Variants in KCNJ15 observed in about 807,000 individuals in gnomAD.
KCNJ15 encodes the protein ATP-sensitive inward rectifier potassium channel 15.
A neutral mutation model predicts 23.0 loss-of-function variants in KCNJ15; 14 were observed. That is an observed-to-expected ratio of 0.61 (90% CI 0.40 to 0.95). KCNJ15 has a LOEUF of 0.95. KCNJ15 is among the 40% of genes least tolerant of loss of function. KCNJ15 has a pLI of 0.00. For missense variants in KCNJ15, 388 were observed against 461.8 expected, an observed-to-expected ratio of 0.84 and a Z score of 1.46; for synonymous variants, 185 against 183.2, an observed-to-expected ratio of 1.01 and a Z score of -0.08.
In KCNJ15 at chr21:38,306,249, T is replaced by C. The variant is rs1766356506; in HGVS notation, c.*5860T>C. The C allele has an allele frequency of 6.6e-6, 1 of 152,198 alleles. No individual in the cohort carries two copies. The highest frequency in any genetic ancestry group is 1.5e-5 in the Non-Finnish European group (1 of 68,030). 9.4% of individuals were successfully genotyped at this position (152,198 alleles called of 1,614,324 possible). ...CCAAATCTTATCTGGTGTCCATGCC[T>C]TCCCACCTACTTAAAATTTCAAATT... is the stretch of plus-strand genomic sequence containing the variant. On this transcript the variant is annotated 3_prime_UTR_variant, in exon 3 of 3. Coordinates refer to ENST00000398938, the MANE Select transcript of KCNJ15 (RefSeq NM_170736.3).
chr21:38,282,407 G>A (rs920053306), intron 1 of KCNJ15, among the ~76,000 whole-genome samples: 1 of 152,102 alleles, frequency 6.6e-6, no homozygotes, highest in Non-Finnish European at 1.5e-5. Context: ...ATATACTTAT[G>A]TTTGCCCATA....
intron 1 of KCNJ15, among the ~76,000 whole-genome samples, chr21:38,239,127 C>T (rs567126569): frequency 7.2e-5 from 11 of 152,270 alleles, no homozygotes; most frequent in African/African-American, 1.9e-4. Flanking sequence ...GATGGAGAAG[C>T]ATTCAGAACT....
chr21:38,247,024 G>C (rs1979419641), intron 1 of KCNJ15, among the ~76,000 whole-genome samples: 1 of 151,854 alleles, frequency 6.6e-6, no homozygotes. Context: ...GTAGATGGAT[G>C]GATGCATAAG....
rs1209701398 is a variant in KCNJ15 at position 38,307,314 on chromosome 21, G to A, written c.*6925G>A. On this transcript the variant is annotated 3_prime_UTR_variant, in exon 3 of 3. Coordinates refer to ENST00000398938, the MANE Select transcript of KCNJ15 (RefSeq NM_170736.3). ...CGGATAAATGGAATTACTGTAACTTGTGAAACAATGGCAAACACTATAAAG... is the reference window on the plus strand; with the variant it reads ...CGGATAAATGGAATTACTGTAACTTATGAAACAATGGCAAACACTATAAAG... The A allele has an allele frequency of 6.6e-6, 1 of 151,760 alleles. No homozygotes were observed. The highest frequency in any genetic ancestry group is 2.4e-5 in the African/African-American group (1 of 41,276). The allele number at this position is 151,760 out of a possible 1,614,324, so 9.4% of individuals were successfully genotyped here.
intron 1 of KCNJ15, among the ~76,000 whole-genome samples, chr21:38,248,894 C>G (rs1260808945): frequency 1.3e-5 from 2 of 151,920 alleles, no homozygotes; most frequent in African/African-American, 2.4e-5. Flanking sequence ...AATTCCCATG[C>G]CTTCCCTTCT....
rs79453875 is a variant in KCNJ15 at position 38,270,591 on chromosome 21, T to C, written c.-117+13406T>C. Among the ~76,000 whole-genome samples, 935 of 152,244 alleles carry C rather than the reference T, an allele frequency of 6.1e-3. 14 individuals are homozygous for C. Among genetic ancestry groups the C allele is most frequent in the African/African-American group, 0.021 (879 of 41,540 alleles). On this transcript the variant is annotated intron_variant, in intron 1 of 2. Transcript: ENST00000398938. ...AGGTCATAACCTGAAGATCTGAGAT[T>C]TGAACCCAAGTCTGTCTGGCTCCTA...
rs1050578568 is a variant in KCNJ15, at chr21:38,303,405, C to T, written c.*3016C>T. 6.6e-6 allele frequency: 1 copy of T among 151,830 alleles called. No homozygotes were observed. The highest frequency in any genetic ancestry group is 2.4e-5 in the African/African-American group (1 of 41,306). 9.4% of individuals were successfully genotyped at this position (151,830 alleles called of 1,614,324 possible). On this transcript the variant is annotated 3_prime_UTR_variant, in exon 3 of 3. Coordinates refer to ENST00000398938, the MANE Select transcript of KCNJ15 (RefSeq NM_170736.3). ...AAACGTTGTGTTCCATTTGAGAAACCAGAGTCAACAGCAGTAAATCAGTGT... is the reference window on the plus strand; with the variant it reads ...AAACGTTGTGTTCCATTTGAGAAACTAGAGTCAACAGCAGTAAATCAGTGT...
rs190641050 is a variant in KCNJ15 at position 38,260,440 on chromosome 21, T to G, written c.-117+3255T>G. ...GTAGTTCATGTGTCTGCATTTCTTT[T>G]GATGGGCATTGTGCCTCAACTAGAG... On this transcript the variant is annotated intron_variant, in intron 1 of 2. Transcript: ENST00000398938. Among the ~76,000 whole-genome samples, 13 of 152,358 alleles carry G rather than the reference T, an allele frequency of 8.5e-5. No individual in the cohort carries two copies. In the East Asian group the frequency reaches 2.5e-3, roughly 29 times the overall value.
upstream of KCNJ15, chr21:38,256,877 T>TCC (rs1980290919): frequency 6.6e-6 from 1 of 151,264 alleles, no homozygotes; most frequent in Non-Finnish European, 1.5e-5. Context: ...TCTCCCCCAC[T>TCC]CTCTCTCTCT....
chr21:38,299,388 G>T lies in KCNJ15; in HGVS notation c.127G>T (p.Val43Leu). The T allele has an allele frequency of 6.2e-7, 1 of 1,614,194 alleles. No homozygotes were observed. Among genetic ancestry groups the T allele is most frequent in the Non-Finnish European group, 8.5e-7 (1 of 1,180,038 alleles). ...GCACAGCAACGTGAGAATTGACAAA[G>T]TGGATGGCATATACCTACTCTACCT... is the stretch of plus-strand genomic sequence containing the variant. Reference protein sequence around the residue: ...SGHSNVRIDKVDGIYLLYLQD... With the variant: ...SGHSNVRIDKLDGIYLLYLQD... The change falls in exon 3 of 3, where the codon GTG becomes TTG. Residue 43 changes from valine to leucine, a missense_variant. Val to Leu is a conservative substitution (Grantham distance 32). Transcript: ENST00000398938. The surrounding 1 kb of genome is among the most constrained non-coding windows in gnomAD (Gnocchi z 4.5).
chr21:38,300,634 A>G lies in KCNJ15; in HGVS notation c.*245A>G, dbSNP rs1439448499. The stretch of plus-strand genomic sequence containing the variant: ...AATTCAAATTGTATAAAATAAAGCT[A>G]CATTTCTAAGAGCTTGGTGTAGGGC... On this transcript the variant is annotated 3_prime_UTR_variant, in exon 3 of 3. Transcript: ENST00000398938. The G allele has an allele frequency of 4.4e-6, 2 of 454,032 alleles. No homozygotes were observed. Among genetic ancestry groups the G allele is most frequent in the African/African-American group, 4.0e-5 (2 of 49,794 alleles). The allele number at this position is 454,032 out of a possible 1,614,324, so 28.1% of individuals were successfully genotyped here.
rs1270476742 is a variant in KCNJ15 at position 38,307,326 on chromosome 21, C to T, written c.*6937C>T. ...ATTACTGTAACTTGTGAAACAATGGCAAACACTATAAAGCTAATTTTACAG... is the reference window on the plus strand; with the variant it reads ...ATTACTGTAACTTGTGAAACAATGGTAAACACTATAAAGCTAATTTTACAG... On this transcript the variant is annotated 3_prime_UTR_variant, in exon 3 of 3. Coordinates refer to ENST00000398938, the MANE Select transcript of KCNJ15 (RefSeq NM_170736.3). 1 of 152,060 alleles carries T rather than the reference C, an allele frequency of 6.6e-6. No homozygotes were observed. Among genetic ancestry groups the T allele is most frequent in the Admixed American group, 6.5e-5 (1 of 15,270 alleles). 9.4% of individuals were successfully genotyped at this position (152,060 alleles called of 1,614,324 possible). A position where few individuals can be genotyped will look rare whatever the true frequency, so the allele number is the denominator to read the frequency against.
Position 38,306,919 on chromosome 21 carries a change from T to C in KCNJ15, c.*6530T>C, listed in dbSNP as rs1986076853. On this transcript the variant is annotated 3_prime_UTR_variant, in exon 3 of 3. Transcript: ENST00000398938. ...AGATTTTATATGCAAACAATCCCAC[T>C]GCTTGTAACTCCTGGCAGTGTGTAC... 1 of 152,266 alleles carries C rather than the reference T, an allele frequency of 6.6e-6. No homozygotes were observed. The highest frequency in any genetic ancestry group is 1.5e-5 in the Non-Finnish European group (1 of 68,040). The allele number at this position is 152,266 out of a possible 1,614,324, so 9.4% of individuals were successfully genotyped here. A position where few individuals can be genotyped will look rare whatever the true frequency, so the allele number is the denominator to read the frequency against.
chr21:38,238,035 C>G (rs2123547038), intron 1 of KCNJ15: 1 of 230,314 alleles, frequency 4.3e-6, no homozygotes, highest in Admixed American at 5.2e-5. Context: ...GTAATTTTTT[C>G]CCCACCGTAG....
At chr21:38,255,667 G>C (rs1454967460), upstream of KCNJ15, among the ~76,000 whole-genome samples, 1 of 152,122 alleles carries the variant, frequency 6.6e-6, no homozygotes, top group African/African-American at 2.4e-5. Context: ...AGCAGGGAGA[G>C]GGGGGAGAAA....
intron 1 of KCNJ15, among the ~76,000 whole-genome samples, chr21:38,233,761 T>C (rs1978422412): frequency 6.6e-6 from 1 of 152,156 alleles, no homozygotes; most frequent in Non-Finnish European, 1.5e-5. Context: ...CTTATCAGAA[T>C]GATGTGTACT....
At chr21:38,256,413 A>C (rs60523249), upstream of KCNJ15, among the ~76,000 whole-genome samples, 2,618 of 143,510 alleles carry the variant, frequency 0.018, 98 homozygotes, top group African/African-American at 0.067. Context: ...CAATAGAAAA[A>C]AATCAGCTCA....
chr21:38,249,285 A>G (rs1028496213), intron 1 of KCNJ15, among the ~76,000 whole-genome samples: 2 of 152,198 alleles, frequency 1.3e-5, no homozygotes, highest in Non-Finnish European at 2.9e-5. Context: ...TGATAACCCA[A>G]GTACTTTTTC....
intron 1 of KCNJ15, among the ~76,000 whole-genome samples, chr21:38,242,102 C>T (rs796645275): frequency 2.0e-5 from 3 of 152,098 alleles, no homozygotes; most frequent in African/African-American, 7.2e-5. Flanking sequence ...GCTGATGATC[C>T]TGGAGCCCAC....
Sources: allele counts gnomAD v4.1 joint callset (sites outside exome capture counted in the v4.1 genomes callset), GRCh38; gene constraint gnomAD v4.1.1; non-coding constraint Gnocchi (gnomAD v3.1); transcripts MANE v1.5; gene names NCBI Gene and HGNC (gene_info 2026-07-23, HGNC 2026-07-21).